DCHS2: variants seen among roughly 807,000 people sequenced by gnomAD.
The protein encoded by DCHS2 is protocadherin-23.
A neutral mutation model predicts 182.4 loss-of-function variants in DCHS2; 142 were observed. The observed-to-expected ratio is 0.78, with a 90% CI of 0.68 to 0.89. DCHS2 has a LOEUF of 0.89. Ranked by LOEUF, DCHS2 falls within the 40% of genes least tolerant of loss-of-function variation. The probability of loss-of-function intolerance (pLI) is 0.00; values close to 1 mark genes in which losing one functional copy is unlikely to be tolerated. For missense variants in DCHS2, 4,319 were observed against 4,198.6 expected (o/e 1.03, Z -0.79); for synonymous variants, 1,740 against 1,663.3 (o/e 1.05, Z -1.12).
intron 15 of DCHS2, among the ~76,000 whole-genome samples, chr4:154,257,487 C>T (rs1331670740): frequency 6.6e-6 from 1 of 152,128 alleles, no homozygotes; most frequent in African/African-American, 2.4e-5. Flanking sequence ...ACCGAAGATT[C>T]AAATTTCAGG....
intron 12 of DCHS2, 21 bp from the exon 13 acceptor site, chr4:154,298,729 A>G: frequency 6.5e-7 from 1 of 1,532,346 alleles, no homozygotes; most frequent in South Asian, 1.3e-5. Context: ...AAACAATTAC[A>G]AATTCATTTG....
chr4:154,371,501 C>T (rs1052586539), intron 2 of DCHS2, among the ~76,000 whole-genome samples: 1 of 151,950 alleles, frequency 6.6e-6, no homozygotes, highest in South Asian at 2.1e-4. Flanking sequence ...TAATGGACCA[C>T]GAGTTCCAAA....
At chr4:154,469,357 G>T (rs181009756) in intron 1 of DCHS2, among the ~76,000 whole-genome samples, 86 of 152,160 alleles carry the variant, frequency 5.7e-4, no homozygotes, top group African/African-American at 1.8e-3. Flanking sequence ...CTGGAGGAAA[G>T]ATGCAAATTA....
At chr4:154,351,334 T>C (rs960127005) in intron 3 of DCHS2, among the ~76,000 whole-genome samples, 9 of 152,204 alleles carry the variant, frequency 5.9e-5, no homozygotes, top group African/African-American at 1.9e-4. Context: ...GGTTGTAGTC[T>C]AGAAAGCATA....
At chr4:154,396,584 T>C (rs549713234) in intron 1 of DCHS2, among the ~76,000 whole-genome samples, 94 of 152,230 alleles carry the variant, frequency 6.2e-4, no homozygotes, top group Non-Finnish European at 1.0e-3. Context: ...CACTTTGTGC[T>C]CAAAGTTTCA....
chr4:154,249,466 T>C (rs1732243929), intron 16 of DCHS2, among the ~76,000 whole-genome samples: 1 of 152,148 alleles, frequency 6.6e-6, no homozygotes, highest in Admixed American at 6.5e-5. Flanking sequence ...ATTAATACAT[T>C]GTTGGGAATG....
chr4:154,413,402 A>T (rs79518886), intron 1 of DCHS2, among the ~76,000 whole-genome samples: 2,023 of 152,256 alleles, frequency 0.013, 40 homozygotes, highest in African/African-American at 0.046. Context: ...TCATGAATTT[A>T]TTTTTGATCA....
At chr4:154,385,580 T>C (rs1010868905) in intron 1 of DCHS2, among the ~76,000 whole-genome samples, 2 of 152,094 alleles carry the variant, frequency 1.3e-5, no homozygotes, top group Admixed American at 1.3e-4. Context: ...CTCCGCCTCC[T>C]GGGTTCAAGC....
At chr4:154,337,543 C>T (rs374774679) in intron 3 of DCHS2, among the ~76,000 whole-genome samples, 11 of 152,034 alleles carry the variant, frequency 7.2e-5, no homozygotes, top group African/African-American at 2.2e-4. Context: ...TAAATGGCCC[C>T]TCTCCCTCTC....
At chr4:154,305,944 A>AT (rs1252210881) in intron 10 of DCHS2, among the ~76,000 whole-genome samples, 1 of 152,022 alleles carries the variant, frequency 6.6e-6, no homozygotes, top group Non-Finnish European at 1.5e-5. Flanking sequence ...CCTCTCAGTT[A>AT]TTTTCCTATG....
At chr4:154,265,340 T>A (rs541793343) in intron 14 of DCHS2, among the ~76,000 whole-genome samples, 1 of 152,330 alleles carries the variant, frequency 6.6e-6, no homozygotes, top group East Asian at 1.9e-4. Flanking sequence ...GTTTATGCAC[T>A]GTAAGTCATA....
rs767130068 is a variant in DCHS2, at chr4:154,238,164, G to GC, written c.7492+1005_7493-1005insG. 1.2e-3 allele frequency among the ~76,000 whole-genome samples: 187 copies of GC among 150,762 alleles called. 2 individuals carry two copies. Among genetic ancestry groups the GC allele is most frequent in the Non-Finnish European group, 1.9e-3 (130 of 67,720 alleles). ...GACAGAGAGAGAAAAGACGGTGGGG[G>GC]GGTGGGGTGGGGATACAGAGAGAAG... On this transcript the variant is annotated intron_variant, in intron 19 of 19. Coordinates refer to ENST00000357232, the MANE Select transcript of DCHS2 (RefSeq NM_001358235.2).
At chr4:154,351,445 G>T (rs1337211858) in intron 3 of DCHS2, among the ~76,000 whole-genome samples, 3 of 152,092 alleles carry the variant, frequency 2.0e-5, no homozygotes, top group African/African-American at 7.2e-5. Context: ...TATTATTACT[G>T]AAAATAGAAA....
At chr4:154,415,032 C>CAT (rs1320811906) in intron 1 of DCHS2, among the ~76,000 whole-genome samples, 16 of 152,212 alleles carry the variant, frequency 1.1e-4, no homozygotes, top group Admixed American at 1.0e-3. Flanking sequence ...ACCCCTGTAA[C>CAT]ATACTGTCCT....
intron 1 of DCHS2, among the ~76,000 whole-genome samples, chr4:154,487,327 T>A (rs1468813275): frequency 6.6e-6 from 1 of 152,194 alleles, no homozygotes; most frequent in Non-Finnish European, 1.5e-5. Flanking sequence ...ATGGCTGGGC[T>A]CTGGCTAATG....
intron 14 of DCHS2, among the ~76,000 whole-genome samples, chr4:154,267,822 A>T (rs1472616894): frequency 6.6e-6 from 1 of 152,182 alleles, no homozygotes; most frequent in Non-Finnish European, 1.5e-5. Flanking sequence ...CAGCCTCTCC[A>T]GTAGTTTTTG....
chr4:154,235,561 TCTC>T lies in DCHS2; in HGVS notation c.9088_9090del (p.Glu3030del), dbSNP rs1367162800. 6 of 1,613,948 alleles carry T rather than the reference TCTC, an allele frequency of 3.7e-6. No homozygotes were observed. In the Admixed American group the frequency reaches 5.0e-5, roughly 13 times the overall value. On this transcript the variant is annotated inframe_deletion, in exon 20 of 20. Coordinates refer to ENST00000357232, the MANE Select transcript of DCHS2 (RefSeq NM_001358235.2). ...TCCGCATCTAAAGATGAGGTTTTCT[TCTC>T]CTCATAATTGTTTATTGTGTCTTTT...
chr4:154,255,481 G>A (rs1732611369), intron 16 of DCHS2, 38 bp downstream of exon 16: 1 of 1,589,392 alleles, frequency 6.3e-7, no homozygotes. Flanking sequence ...TAAGCAGGCA[G>A]AATAAATGGA....
At chr4:154,424,042 T>C (rs1733220785) in intron 1 of DCHS2, among the ~76,000 whole-genome samples, 1 of 152,208 alleles carries the variant, frequency 6.6e-6, no homozygotes, top group Non-Finnish European at 1.5e-5. Context: ...ACAATATACA[T>C]GGTAGGAGCT....
Sources: allele counts gnomAD v4.1 joint callset (sites outside exome capture counted in the v4.1 genomes callset), GRCh38; gene constraint gnomAD v4.1.1; transcripts MANE v1.5; gene names NCBI Gene and HGNC (gene_info 2026-07-23, HGNC 2026-07-21).